Variants in CAMTA1 observed in about 807,000 individuals in gnomAD.
The protein encoded by CAMTA1 is calmodulin-binding transcription activator 1.
Under a neutral mutation model 170.9 loss-of-function variants are expected in CAMTA1, and 27 were observed. The ratio of observed to expected loss-of-function variants is 0.16; its 90% CI spans 0.12 to 0.22. The LOEUF (loss-of-function observed/expected upper bound fraction) is 0.22, where lower values mean the gene tolerates loss of function less well. Ranked by LOEUF, CAMTA1 falls within the 10% of genes least tolerant of loss-of-function variation. The probability of loss-of-function intolerance (pLI) is 1.00; values close to 1 mark genes in which losing one functional copy is unlikely to be tolerated. For missense variants in CAMTA1, 1,619 were observed against 2,217.2 expected, an observed-to-expected ratio of 0.73 and a Z score of 5.42; for synonymous variants, 833 against 891.5, an observed-to-expected ratio of 0.93 and a Z score of 1.17.
chr1:7,381,136 CTTTT>C (rs149678254), intron 5 of CAMTA1, among the ~76,000 whole-genome samples: 1 of 151,844 alleles, frequency 6.6e-6, no homozygotes, highest in East Asian at 1.9e-4. Context: ...TTTGATTTTT[CTTTT>C]TTTTATTTTT....
chr1:7,582,412 A>C (rs930437779), intron 6 of CAMTA1, among the ~76,000 whole-genome samples: 4 of 152,286 alleles, frequency 2.6e-5, no homozygotes, highest in Non-Finnish European at 4.4e-5. Flanking sequence ...AGTCTCCAGC[A>C]GGAAGATCTG....
chr1:7,072,574 G>A (rs965883047), intron 3 of CAMTA1, among the ~76,000 whole-genome samples: 3 of 152,208 alleles, frequency 2.0e-5, no homozygotes, highest in African/African-American at 7.2e-5. Flanking sequence ...ATAGCAAGAT[G>A]CAGAGTACAC....
At chr1:7,328,614 T>C (rs1040233352) in intron 5 of CAMTA1, among the ~76,000 whole-genome samples, 7 of 152,232 alleles carry the variant, frequency 4.6e-5, no homozygotes, top group Admixed American at 2.0e-4. Context: ...TTTCTGCATC[T>C]TTACCTCTAT....
intron 4 of CAMTA1, among the ~76,000 whole-genome samples, chr1:7,166,088 A>C (rs1461542996): frequency 2.7e-5 from 4 of 147,950 alleles, no homozygotes; most frequent in Non-Finnish European, 6.0e-5. Context: ...TTTTTTTGAG[A>C]TGGGGTCTCG....
intron 5 of CAMTA1, among the ~76,000 whole-genome samples, chr1:7,336,453 G>T (rs1291124925): frequency 6.6e-6 from 1 of 152,220 alleles, no homozygotes; most frequent in Non-Finnish European, 1.5e-5. Context: ...GGTGGAAGCA[G>T]CTTCTCTCTG....
chr1:7,712,326 A>ATTT (rs112270408), intron 11 of CAMTA1, among the ~76,000 whole-genome samples: 6 of 146,606 alleles, frequency 4.1e-5, no homozygotes, highest in African/African-American at 1.5e-4. Context: ...TATAATTACT[A>ATTT]TTTTTTTTTT....
At chr1:7,166,702 A>T (rs752055769) in intron 4 of CAMTA1, among the ~76,000 whole-genome samples, 9 of 150,038 alleles carry the variant, frequency 6.0e-5, no homozygotes, top group Non-Finnish European at 1.3e-4. Context: ...CTAGACCCTG[A>T]TCTTGAGTTT....
chr1:7,207,195 G>A (rs1657896479), intron 4 of CAMTA1, among the ~76,000 whole-genome samples: 1 of 152,114 alleles, frequency 6.6e-6, no homozygotes, highest in African/African-American at 2.4e-5. Flanking sequence ...ACTTTACTAG[G>A]CTCTGAACAG....
In CAMTA1 at chr1:7,736,281, G is replaced by A. The variant is rs1201433971; in HGVS notation, c.3067-63G>A. ...GTAAAGCATTTGTTTCCCCTACATC[G>A]AAGCGCTGATGGGGTCGAGGGCCTT... is the stretch of plus-strand genomic sequence containing the variant. On this transcript the variant is annotated intron_variant, in intron 12 of 22. Coordinates refer to ENST00000303635, the MANE Select transcript of CAMTA1 (RefSeq NM_015215.4). This position sits in a 1 kb window ranked among gnomAD's most constrained non-coding sequence, Gnocchi z 4.5. The A allele has an allele frequency of 7.2e-6, 10 of 1,388,674 alleles. No individual in the cohort carries two copies. Among genetic ancestry groups the A allele is most frequent in the Non-Finnish European group, 1.0e-5 (10 of 994,254 alleles). 86.0% of individuals were successfully genotyped at this position (1,388,674 alleles called of 1,614,324 possible).
At chr1:7,670,335 C>T (rs577782750) in intron 9 of CAMTA1, among the ~76,000 whole-genome samples, 1 of 152,350 alleles carries the variant, frequency 6.6e-6, no homozygotes, top group South Asian at 2.1e-4. Flanking sequence ...TTTAGCTCCT[C>T]TGTTTCTTCA....
At chr1:7,121,159 G>T (rs1044877793) in intron 4 of CAMTA1, among the ~76,000 whole-genome samples, 15 of 152,240 alleles carry the variant, frequency 9.9e-5, no homozygotes, top group African/African-American at 3.6e-4. Context: ...GCAGAGCTCT[G>T]TGTGCATTTC....
At chr1:7,278,021 A>G (rs1011862165) in intron 5 of CAMTA1, among the ~76,000 whole-genome samples, 10 of 152,218 alleles carry the variant, frequency 6.6e-5, no homozygotes, top group Admixed American at 4.6e-4. Context: ...AGGAGTTACT[A>G]GGTACCAGGC....
chr1:7,268,822 G>A (rs1232913776), intron 5 of CAMTA1, among the ~76,000 whole-genome samples: 1 of 152,136 alleles, frequency 6.6e-6, no homozygotes, highest in Non-Finnish European at 1.5e-5. Flanking sequence ...AAATCAGCCA[G>A]TAGAAAGAGG....
chr1:7,471,855 C>G (rs577627257), intron 6 of CAMTA1, among the ~76,000 whole-genome samples: 1 of 152,362 alleles, frequency 6.6e-6, no homozygotes, highest in African/African-American at 2.4e-5. Flanking sequence ...CCCCTTTCTC[C>G]TGGTCCTCCA....
intron 6 of CAMTA1, among the ~76,000 whole-genome samples, chr1:7,517,622 T>A (rs1449159525): frequency 1.3e-5 from 2 of 150,294 alleles, no homozygotes; most frequent in Non-Finnish European, 2.9e-5. Context: ...TCAAGAAGGG[T>A]TGGGGAAATT....
intron 22 of CAMTA1, among the ~76,000 whole-genome samples, chr1:7,765,316 C>T (rs1237256614): frequency 6.6e-6 from 1 of 152,154 alleles, no homozygotes; most frequent in East Asian, 1.9e-4. Flanking sequence ...GCAGCTTCCC[C>T]AGCACCCCAT....
intron 5 of CAMTA1, among the ~76,000 whole-genome samples, chr1:7,374,783 C>T (rs2150078417): frequency 6.6e-6 from 1 of 152,308 alleles, no homozygotes; most frequent in Admixed American, 6.5e-5. Context: ...AGCCTCTAGG[C>T]CACTCACTAT....
At chr1:6,893,341 A>G (rs1211770640) in intron 3 of CAMTA1, among the ~76,000 whole-genome samples, 2 of 152,238 alleles carry the variant, frequency 1.3e-5, no homozygotes, top group Non-Finnish European at 2.9e-5. Flanking sequence ...CAGCACCCAA[A>G]GCCAGTTCCT....
chr1:7,684,865 C>A (rs1004872881), intron 11 of CAMTA1, among the ~76,000 whole-genome samples: 1 of 152,130 alleles, frequency 6.6e-6, no homozygotes, highest in African/African-American at 2.4e-5. Flanking sequence ...GCCGTCAGGC[C>A]TCACTGAAGG....
Sources: allele counts gnomAD v4.1 joint callset (sites outside exome capture counted in the v4.1 genomes callset), GRCh38; gene constraint gnomAD v4.1.1; non-coding constraint Gnocchi (gnomAD v3.1); transcripts MANE v1.5; gene names NCBI Gene and HGNC (gene_info 2026-07-23, HGNC 2026-07-21).